The following LDLRAD4 variants were observed in gnomAD, a reference collection of about 807,000 sequenced individuals.
The protein encoded by LDLRAD4 is low-density lipoprotein receptor class A domain-containing protein 4.
LDLRAD4 carries 5 observed loss-of-function variants against 17.0 expected under a neutral mutation model. That is an observed-to-expected ratio of 0.29 (90% CI 0.15 to 0.62). The LOEUF (loss-of-function observed/expected upper bound fraction) is 0.62, where lower values mean the gene tolerates loss of function less well. Among genes scored for constraint, LDLRAD4 ranks in the 20% least tolerant of loss-of-function variants. The pLI, the probability that LDLRAD4 is intolerant of heterozygous loss-of-function variation, is 0.84. For synonymous variants in LDLRAD4, 168 were observed against 171.8 expected (o/e 0.98, Z 0.17); for missense variants, 340 against 424.7 (o/e 0.80, Z 1.75).
At chr18:13,366,875 C>T (rs975463337) in intron 1 of LDLRAD4, among the ~76,000 whole-genome samples, 2 of 152,164 alleles carry the variant, frequency 1.3e-5, no homozygotes, top group Non-Finnish European at 2.9e-5. Flanking sequence ...GACACATTGG[C>T]GTGTTTCTTG....
At chr18:13,563,416 C>T (rs577376914) in intron 3 of LDLRAD4, among the ~76,000 whole-genome samples, 2 of 152,300 alleles carry the variant, frequency 1.3e-5, no homozygotes, top group Admixed American at 1.3e-4. Context: ...GTGGATATTG[C>T]ATGTCCTGAC....
intron 1 of LDLRAD4, among the ~76,000 whole-genome samples, chr18:13,356,308 G>A (rs112445554): frequency 4.6e-5 from 7 of 152,232 alleles, no homozygotes; most frequent in South Asian, 2.1e-4. Flanking sequence ...GGCAGCAGGC[G>A]CCCGCAGCTC....
intron 3 of LDLRAD4, among the ~76,000 whole-genome samples, chr18:13,460,404 G>A (rs1274424223): frequency 6.6e-6 from 1 of 152,134 alleles, no homozygotes; most frequent in Non-Finnish European, 1.5e-5. Flanking sequence ...TTTTGCCCAG[G>A]CTGAGCTGGA....
At chr18:13,318,975 G>T (rs1372481181) in intron 1 of LDLRAD4, among the ~76,000 whole-genome samples, 2 of 152,198 alleles carry the variant, frequency 1.3e-5, no homozygotes, top group Non-Finnish European at 2.9e-5. Context: ...AATGAGGAGA[G>T]CTTAAGAATG....
At chr18:13,649,213 T>C (rs1353541575) in exon 6 of LDLRAD4, 2 of 152,374 alleles carry the variant, frequency 1.3e-5, no homozygotes, top group East Asian at 3.8e-4. Context: ...AGGAATTTTG[T>C]ACCCAGGCGA....
intron 3 of LDLRAD4, among the ~76,000 whole-genome samples, chr18:13,450,496 A>G (rs1416760736): frequency 6.6e-6 from 1 of 152,216 alleles, no homozygotes; most frequent in Non-Finnish European, 1.5e-5. Context: ...GAGTAATACA[A>G]AACATCCCAT....
In LDLRAD4 at chr18:13,463,380, C is replaced by T. The variant is rs113973200; in HGVS notation, c.181+24996C>T. On this transcript the variant is annotated intron_variant, in intron 3 of 5. Coordinates refer to ENST00000359446, the Ensembl canonical transcript of LDLRAD4. Reference sequence around the variant, plus strand: ...CTGGGGTTCAGAAGAGCAAACCCACCGGCATCCCAGGGCACCTGCCTGACG... The same window carrying T: ...CTGGGGTTCAGAAGAGCAAACCCACTGGCATCCCAGGGCACCTGCCTGACG... Among the ~76,000 whole-genome samples the T allele has an allele frequency of 1.4e-3, 220 of 152,308 alleles. 1 individual carries two copies. The highest frequency in any genetic ancestry group is 4.7e-3 in the African/African-American group (197 of 41,570).
chr18:13,418,111 C>T (rs1322940708), intron 2 of LDLRAD4, among the ~76,000 whole-genome samples: 1 of 150,894 alleles, frequency 6.6e-6, no homozygotes, highest in Non-Finnish European at 1.5e-5. Flanking sequence ...AGCTCCCGCT[C>T]CCCACCCGCC....
At chr18:13,590,950 G>A (rs1025293353) in intron 3 of LDLRAD4, among the ~76,000 whole-genome samples, 2 of 152,170 alleles carry the variant, frequency 1.3e-5, no homozygotes, top group African/African-American at 4.8e-5. Flanking sequence ...GTTCTCCCTG[G>A]AGTTCCTGCT....
chr18:13,520,187 G>A (rs1194000657), intron 3 of LDLRAD4: 2 of 152,122 alleles, frequency 1.3e-5, no homozygotes, highest in African/African-American at 4.8e-5. Context: ...AGAATTCATG[G>A]GGATGAGTCG....
chr18:13,426,030 G>T (rs1199854666), intron 2 of LDLRAD4: 1 of 152,778 alleles, frequency 6.5e-6, no homozygotes, highest in Non-Finnish European at 1.5e-5. Flanking sequence ...GCGGCAGGGT[G>T]CGCAGAGCTC....
intron 2 of LDLRAD4, among the ~76,000 whole-genome samples, chr18:13,410,303 A>G (rs2088216609): frequency 6.6e-6 from 1 of 152,080 alleles, no homozygotes; most frequent in South Asian, 2.1e-4. Flanking sequence ...GGGATAGAAG[A>G]GGGACATTAT....
chr18:13,278,303 G>C (rs1018884694), intron 1 of LDLRAD4, 115 bp downstream of exon 2: 1 of 152,544 alleles, frequency 6.6e-6, no homozygotes, highest in Admixed American at 6.5e-5. Flanking sequence ...TTTTGACAAG[G>C]GTGTGCCTCA....
intron 1 of LDLRAD4, among the ~76,000 whole-genome samples, chr18:13,324,475 T>G (rs2081414638): frequency 6.6e-6 from 1 of 152,100 alleles, no homozygotes; most frequent in Admixed American, 6.5e-5. Flanking sequence ...GTTCTGAAAT[T>G]ACGAACTCTC....
intron 3 of LDLRAD4, among the ~76,000 whole-genome samples, chr18:13,459,369 G>GTGT (rs1339523149): frequency 3.2e-5 from 1 of 31,724 alleles, no homozygotes; most frequent in Non-Finnish European, 6.9e-5. Flanking sequence ...ATAACATTTG[G>GTGT]TGTTTTTTTT....
chr18:13,400,346 G>T (rs1277482522), intron 2 of LDLRAD4, among the ~76,000 whole-genome samples: 8 of 152,156 alleles, frequency 5.3e-5, no homozygotes, highest in Non-Finnish European at 1.2e-4. Flanking sequence ...CCACCTCCTT[G>T]TGTCTTTTTA....
chr18:13,647,749 T>C (rs939387968), exon 6 of LDLRAD4: 1 of 152,270 alleles, frequency 6.6e-6, no homozygotes, highest in African/African-American at 2.4e-5. Context: ...CAGGCACCAG[T>C]TGTCAGCTCA....
chr18:13,240,115 A>G (rs1301969815), intron 1 of LDLRAD4: 1 of 152,258 alleles, frequency 6.6e-6, no homozygotes, highest in Non-Finnish European at 1.5e-5. Context: ...CATTAGTTAA[A>G]TAACTAGGCC....
In LDLRAD4 at chr18:13,319,555, G is replaced by C. The variant is rs570384923; in HGVS notation, c.-383+41367G>C. Among the ~76,000 whole-genome samples the C allele has an allele frequency of 3.9e-5, 6 of 152,286 alleles. No individual in the cohort carries two copies. The East Asian group carries it at 1.2e-3, about 29-fold the overall frequency. Reference sequence around the variant, plus strand: ...AAGTTCAGTTTGTCTCTCTCTAAAAGTTATCACTAGATGACTCTCTCATTT... The same window carrying C: ...AAGTTCAGTTTGTCTCTCTCTAAAACTTATCACTAGATGACTCTCTCATTT... On this transcript the variant is annotated intron_variant, in intron 1 of 5. Coordinates refer to ENST00000359446, the Ensembl canonical transcript of LDLRAD4.
Sources: gnomAD v4.1 joint callset for allele counts (sites outside exome capture counted in the v4.1 genomes callset) on GRCh38, gnomAD v4.1.1 for gene constraint, MANE v1.5 for transcripts, NCBI Gene and HGNC (gene_info 2026-07-23, HGNC 2026-07-21) for gene names.